Variants in LDAH observed in about 807,000 individuals in gnomAD.
LDAH encodes the protein lipid droplet-associated hydrolase.
Under a neutral mutation model 29.6 loss-of-function variants are expected in LDAH, and 26 were observed. The ratio of observed to expected loss-of-function variants is 0.88; its 90% CI spans 0.64 to 1.22. LDAH has a LOEUF of 1.22. Ranked by LOEUF, LDAH falls within the 50% of genes most tolerant of loss-of-function variation. The pLI is 0.00. For synonymous variants in LDAH, 117 were observed against 133.0 expected (o/e 0.88, Z 0.83); for missense variants, 344 against 387.3 (o/e 0.89, Z 0.94).
chr2:20,715,183 C>G (rs530936959), intron 5 of LDAH, among the ~76,000 whole-genome samples: 5 of 152,184 alleles, frequency 3.3e-5, no homozygotes, highest in Non-Finnish European at 7.3e-5. Context: ...TTATCCTCCA[C>G]GATCAAGTTG....
intron 1 of LDAH, among the ~76,000 whole-genome samples, chr2:20,818,992 C>T (rs1033742182): frequency 2.6e-5 from 4 of 152,114 alleles, no homozygotes; most frequent in Non-Finnish European, 5.9e-5. Context: ...TGACTGCACA[C>T]TAACCCCAGT....
At chr2:20,800,228 A>C (rs1572658792) in intron 2 of LDAH, among the ~76,000 whole-genome samples, 1 of 152,226 alleles carries the variant, frequency 6.6e-6, no homozygotes, top group African/African-American at 2.4e-5. Flanking sequence ...TAAAACCCTG[A>C]AGTCTTAAAG....
chr2:20,756,227 G>A (rs909295231), intron 4 of LDAH, among the ~76,000 whole-genome samples: 1 of 151,954 alleles, frequency 6.6e-6, no homozygotes, highest in African/African-American at 2.4e-5. Flanking sequence ...TAGAGACGGG[G>A]TTTCACCATA....
At position 20,698,548 on chromosome 2, in the gene LDAH, C is replaced by T. The variant is rs778213106; in HGVS notation, c.786+3022G>A. On this transcript the variant is annotated intron_variant, in intron 6 of 6. Transcript: ENST00000237822. This position sits in a 1 kb window ranked among gnomAD's most constrained non-coding sequence, Gnocchi z 4.4. ...AGTAAAAATTAGCTGGGTATGGTGG[C>T]GGGTACCTGTAATCCCAGCTACTCG... Among the ~76,000 whole-genome samples, 23 of 152,010 alleles carry T rather than the reference C, an allele frequency of 1.5e-4. No individual in the cohort carries two copies. The highest frequency in any genetic ancestry group is 2.2e-4 in the African/African-American group (9 of 41,382).
chr2:20,802,829 T>C (rs1234838422), intron 1 of LDAH, among the ~76,000 whole-genome samples: 1 of 152,256 alleles, frequency 6.6e-6, no homozygotes, highest in East Asian at 1.9e-4. Flanking sequence ...AAATTCATTC[T>C]TCATTGTCTT....
At chr2:20,822,169 G>A (rs1051256812) in intron 1 of LDAH, among the ~76,000 whole-genome samples, 2 of 151,666 alleles carry the variant, frequency 1.3e-5, no homozygotes, top group African/African-American at 4.8e-5. Context: ...TTGTCGCCCA[G>A]GCTAGAGTGC....
At chr2:20,750,267 C>A (rs1667883357) in intron 4 of LDAH, among the ~76,000 whole-genome samples, 1 of 152,152 alleles carries the variant, frequency 6.6e-6, no homozygotes, top group Non-Finnish European at 1.5e-5. Context: ...CTCAGGTGAT[C>A]CACCTGCCTC....
At chr2:20,693,938 A>T (rs1430426353) in intron 6 of LDAH, among the ~76,000 whole-genome samples, 2 of 152,230 alleles carry the variant, frequency 1.3e-5, no homozygotes, top group African/African-American at 2.4e-5. Flanking sequence ...TCTGAGAGAG[A>T]TCTATCTTCT....
At chr2:20,734,020 ATGTTGATATCAATTC>A (rs1463850477) in intron 5 of LDAH, among the ~76,000 whole-genome samples, 2 of 152,152 alleles carry the variant, frequency 1.3e-5, no homozygotes, top group Non-Finnish European at 2.9e-5. Context: ...TGATATCAAC[ATGTTGATATCAATTC>A]TGTTTTGGGT....
chr2:20,740,681 T>G (rs1246403413), intron 4 of LDAH, among the ~76,000 whole-genome samples: 1 of 152,222 alleles, frequency 6.6e-6, no homozygotes, highest in Non-Finnish European at 1.5e-5. Flanking sequence ...TTCATTCACC[T>G]ACTGAAGGAA....
At chr2:20,801,196 G>A (rs1248469424) in intron 2 of LDAH, 114 bp downstream of exon 2, 10 of 1,136,490 alleles carry the variant, frequency 8.8e-6, no homozygotes, top group East Asian at 4.8e-5. Context: ...TGGGTCAAGC[G>A]ATTTTAATTC....
intron 3 of LDAH, among the ~76,000 whole-genome samples, chr2:20,783,692 T>C (rs530552704): frequency 1.3e-5 from 2 of 151,396 alleles, no homozygotes; most frequent in Admixed American, 1.3e-4. Flanking sequence ...CTTAAAGTTT[T>C]TGTTTGTTTG....
chr2:20,713,057 C>T (rs561803287), intron 5 of LDAH, among the ~76,000 whole-genome samples: 7 of 152,156 alleles, frequency 4.6e-5, no homozygotes, highest in South Asian at 2.1e-4. Context: ...AGATACTCCT[C>T]GAGAAGAGCA....
At chr2:20,789,541 C>T (rs1025785480) in intron 3 of LDAH, among the ~76,000 whole-genome samples, 2 of 152,188 alleles carry the variant, frequency 1.3e-5, no homozygotes, top group African/African-American at 2.4e-5. Flanking sequence ...ACTGTGTTTT[C>T]TCCTTTGTTT....
At chr2:20,762,520 A>C (rs1323826224) in intron 4 of LDAH, among the ~76,000 whole-genome samples, 1 of 152,138 alleles carries the variant, frequency 6.6e-6, no homozygotes, top group Non-Finnish European at 1.5e-5. Flanking sequence ...AGACTATGTA[A>C]TAGTAATAGT....
intron 4 of LDAH, among the ~76,000 whole-genome samples, chr2:20,758,377 C>T (rs533819370): frequency 2.6e-5 from 4 of 151,990 alleles, no homozygotes; most frequent in Non-Finnish European, 4.4e-5. Context: ...ATTTTATAGG[C>T]AAAAAATAGA....
chr2:20,744,671 A>T (rs114679318), intron 4 of LDAH, among the ~76,000 whole-genome samples: 27 of 152,206 alleles, frequency 1.8e-4, no homozygotes, highest in African/African-American at 6.0e-4. Flanking sequence ...AAAATGGTTC[A>T]TTTCACCTTC....
chr2:20,817,445 C>A (rs1428446792), intron 1 of LDAH, among the ~76,000 whole-genome samples: 1 of 152,044 alleles, frequency 6.6e-6, no homozygotes, highest in East Asian at 1.9e-4. Context: ...ATCTCTCATA[C>A]CTATACCTTA....
intron 1 of LDAH, among the ~76,000 whole-genome samples, chr2:20,815,427 A>G (rs1672783937): frequency 6.6e-6 from 1 of 152,156 alleles, no homozygotes; most frequent in South Asian, 2.1e-4. Context: ...CTACAGAGTC[A>G]AGAAGCTGAG....
Sources: gnomAD v4.1 joint callset for allele counts (sites outside exome capture counted in the v4.1 genomes callset) on GRCh38, gnomAD v4.1.1 for gene constraint, Gnocchi (gnomAD v3.1) non-coding constraint, MANE v1.5 for transcripts, NCBI Gene and HGNC (gene_info 2026-07-23, HGNC 2026-07-21) for gene names.